DSE: variants seen among roughly 807,000 people sequenced by gnomAD.
DSE encodes the protein dermatan-sulfate epimerase.
Under a neutral mutation model 84.4 loss-of-function variants are expected in DSE, and 36 were observed. The observed-to-expected ratio is 0.43, with a 90% confidence interval of 0.33 to 0.56. DSE has a LOEUF of 0.56. Among genes scored for constraint, DSE ranks in the 20% least tolerant of loss-of-function variants. The probability of loss-of-function intolerance (pLI) is 0.06; values close to 1 mark genes in which losing one functional copy is unlikely to be tolerated. For missense variants in DSE, 862 were observed against 1,169.6 expected (o/e 0.74, Z 3.84); for synonymous variants, 410 against 430.1 (o/e 0.95, Z 0.58).
chr6:116,279,542 C>A, intron 2 of DSE: 1 of 1,604,824 alleles, frequency 6.2e-7, no homozygotes, highest in South Asian at 1.1e-5. Flanking sequence ...TCTTCCTGCC[C>A]GGCTTTGATC....
chr6:116,418,893 G>T (rs1326779777), intron 2 of DSE, among the ~76,000 whole-genome samples: 1 of 152,180 alleles, frequency 6.6e-6, no homozygotes, highest in Non-Finnish European at 1.5e-5. Flanking sequence ...ATAAAATGGG[G>T]ACGGAATACC....
chr6:116,378,729 C>T (rs183248860), intron 1 of DSE, among the ~76,000 whole-genome samples: 42 of 152,270 alleles, frequency 2.8e-4, no homozygotes, highest in African/African-American at 9.1e-4. Context: ...TTAATTAACA[C>T]ATCCATCACC....
intron 2 of DSE, among the ~76,000 whole-genome samples, chr6:116,334,267 A>G (rs1484021129): frequency 6.6e-6 from 1 of 152,188 alleles, no homozygotes; most frequent in Non-Finnish European, 1.5e-5. Context: ...CCTTTTAAAG[A>G]AAGCTTGAAA....
Position 116,436,685 on chromosome 6 carries a change from T to G in DSE, c.2217T>G (p.Ala739=). The change falls in exon 6 of 6, where the codon GCT becomes GCG. Residue 739 remains alanine, a synonymous_variant. Coordinates refer to ENST00000644252, the MANE Select transcript of DSE (RefSeq NM_013352.4). ...SSIVPEVKDY[A]AIVEQNLQHF... is the part of the protein sequence containing the mutation. Reference sequence around the variant, plus strand: ...TTGTCCCTGAGGTGAAGGACTATGCTGCTATTGTGGAACAGAACTTGCAGC... The same window carrying G: ...TTGTCCCTGAGGTGAAGGACTATGCGGCTATTGTGGAACAGAACTTGCAGC... The G allele has an allele frequency of 6.2e-7, 1 of 1,614,188 alleles. No homozygotes were observed. The highest frequency in any genetic ancestry group is 8.5e-7 in the Non-Finnish European group (1 of 1,180,022).
chr6:116,403,569 G>A lies in DSE; in HGVS notation c.416+3903G>A, dbSNP rs149323620. Among the ~76,000 whole-genome samples, 481 of 152,252 alleles carry A rather than the reference G, an allele frequency of 3.2e-3. 3 individuals are homozygous for A. Among genetic ancestry groups the A allele is most frequent in the Middle Eastern group, 0.027 (8 of 294 alleles). On this transcript the variant is annotated intron_variant, in intron 2 of 5. Transcript: ENST00000644252. Reference sequence around the variant, plus strand: ...AAGAAAAGAGGGGGGAAAGACTGGAGACATTGACTGGACAAGGAATGTGAC... The same window carrying A: ...AAGAAAAGAGGGGGGAAAGACTGGAAACATTGACTGGACAAGGAATGTGAC...
chr6:116,317,995 T>A (rs1776082275), intron 2 of DSE, among the ~76,000 whole-genome samples: 1 of 152,122 alleles, frequency 6.6e-6, no homozygotes, highest in Non-Finnish European at 1.5e-5. Flanking sequence ...TACTTGAGGG[T>A]TTTTTAAACC....
upstream of DSE, among the ~76,000 whole-genome samples, chr6:116,368,272 CAT>C (rs967656916): frequency 2.6e-5 from 4 of 152,210 alleles, no homozygotes; most frequent in Non-Finnish European, 2.9e-5. Context: ...GACAAGGTAA[CAT>C]GTGGGTCCTC....
At chr6:116,385,417 G>A (rs1218984281) in intron 1 of DSE, among the ~76,000 whole-genome samples, 2 of 152,072 alleles carry the variant, frequency 1.3e-5, no homozygotes, top group African/African-American at 2.4e-5. Context: ...GCAAGACATG[G>A]TATGGCTGTA....
chr6:116,340,573 T>A (rs1018675573), intron 2 of DSE, among the ~76,000 whole-genome samples: 3 of 152,112 alleles, frequency 2.0e-5, no homozygotes, highest in African/African-American at 7.2e-5. Context: ...ATGTGTCATG[T>A]TGGTTTGCTG....
At chr6:116,345,208 A>G (rs905239641) in intron 2 of DSE, among the ~76,000 whole-genome samples, 2 of 152,214 alleles carry the variant, frequency 1.3e-5, no homozygotes, top group African/African-American at 2.4e-5. Context: ...CGACAGATCA[A>G]TGAGATAGAA....
chr6:116,307,124 G>T (rs1448583068), intron 2 of DSE, among the ~76,000 whole-genome samples: 1 of 152,174 alleles, frequency 6.6e-6, no homozygotes, highest in Non-Finnish European at 1.5e-5. Context: ...ACACAGGCAT[G>T]TGAGTCCTGA....
At chr6:116,275,269 G>A (rs1773076317) in intron 2 of DSE, among the ~76,000 whole-genome samples, 1 of 152,158 alleles carries the variant, frequency 6.6e-6, no homozygotes, top group African/African-American at 2.4e-5. Flanking sequence ...TATATAAAAG[G>A]TAACCCAAAA....
rs1487245485 is a variant in DSE, at chr6:116,442,693, G to GA, written c.*5348_*5349insA. 2.0e-5 allele frequency: 3 copies of GA among 152,134 alleles called. No homozygotes were observed. Among genetic ancestry groups the GA allele is most frequent in the Non-Finnish European group, 2.9e-5 (2 of 68,072 alleles). 9.4% of individuals were successfully genotyped at this position (152,134 alleles called of 1,614,324 possible). ...GGAGGCTATTGTGCAGGACTTTGTA[G>GA]GACATGCTAAGGAATCTGGACTTTA... On this transcript the variant is annotated 3_prime_UTR_variant, in exon 6 of 6. Transcript: ENST00000644252.
chr6:116,309,335 CA>C (rs1775530380), intron 2 of DSE, among the ~76,000 whole-genome samples: 1 of 151,972 alleles, frequency 6.6e-6, no homozygotes, highest in Non-Finnish European at 1.5e-5. Context: ...TACATACATA[CA>C]TACATACACA....
chr6:116,388,087 A>G (rs901820167), intron 1 of DSE, among the ~76,000 whole-genome samples: 3 of 152,196 alleles, frequency 2.0e-5, no homozygotes, highest in African/African-American at 2.4e-5. Context: ...TTATCTATCT[A>G]TATCTAGAAT....
chr6:116,359,660 A>G (rs1778778776), intron 2 of DSE, among the ~76,000 whole-genome samples: 2 of 152,240 alleles, frequency 1.3e-5, no homozygotes, highest in Non-Finnish European at 1.5e-5. Flanking sequence ...CAGAATAAAA[A>G]CTGTAATACA....
chr6:116,400,229 A>G (rs1781509752), intron 2 of DSE: 1 of 152,224 alleles, frequency 6.6e-6, no homozygotes, highest in Admixed American at 6.5e-5. Context: ...TTTAGTTTCG[A>G]AGTTTAAGAT....
chr6:116,410,155 G>A (rs1168020204), intron 2 of DSE, among the ~76,000 whole-genome samples: 1 of 152,152 alleles, frequency 6.6e-6, no homozygotes, highest in African/African-American at 2.4e-5. Flanking sequence ...AAAAATAAAA[G>A]TAGAATATTA....
chr6:116,316,910 GA>G (rs1465140912), intron 2 of DSE, among the ~76,000 whole-genome samples: 4 of 151,486 alleles, frequency 2.6e-5, no homozygotes. Flanking sequence ...TTTACTACTA[GA>G]AATTTTGTGA....
Sources: allele counts gnomAD v4.1 joint callset (sites outside exome capture counted in the v4.1 genomes callset), GRCh38; gene constraint gnomAD v4.1.1; transcripts MANE v1.5; gene names NCBI Gene and HGNC (gene_info 2026-07-23, HGNC 2026-07-21).